Variants in FOXP2 observed in about 807,000 individuals in gnomAD.
FOXP2 encodes the protein forkhead box P2.
Under a neutral mutation model 115.8 loss-of-function variants are expected in FOXP2, and 12 were observed. That is an observed-to-expected ratio of 0.10 (90% CI 0.07 to 0.17). The LOEUF is 0.17. Among genes scored for constraint, FOXP2 ranks in the 10% least tolerant of loss-of-function variants. The pLI is 1.00. For synonymous variants in FOXP2, 328 were observed against 297.7 expected (o/e 1.10, Z -1.05); for missense variants, 629 against 843.5 (o/e 0.75, Z 3.15).
At chr7:114,687,319 C>T (rs1294391128) in intron 16 of FOXP2, among the ~76,000 whole-genome samples, 1 of 152,132 alleles carries the variant, frequency 6.6e-6, no homozygotes, top group Non-Finnish European at 1.5e-5. Context: ...TTATTTGCAT[C>T]CCCAGCATAT....
intron 2 of FOXP2, among the ~76,000 whole-genome samples, chr7:114,450,880 A>G (rs1167817644): frequency 6.6e-6 from 1 of 152,094 alleles, no homozygotes; most frequent in African/African-American, 2.4e-5. Context: ...TAAAATGTAT[A>G]TTTATGACTT....
At chr7:114,593,457 T>G (rs989984232) in intron 3 of FOXP2, among the ~76,000 whole-genome samples, 15 of 152,042 alleles carry the variant, frequency 9.9e-5, no homozygotes, top group Non-Finnish European at 2.2e-4. Context: ...ATTTCCCTAC[T>G]ACCTTGTCAA....
At chr7:114,326,225 T>G (rs771670581) in intron 2 of FOXP2, among the ~76,000 whole-genome samples, 1 of 152,230 alleles carries the variant, frequency 6.6e-6, no homozygotes, top group Middle Eastern at 3.4e-3. Context: ...AAGGATTAGA[T>G]AGCAAAGAGT....
chr7:114,189,509 T>C (rs1793699731), intron 1 of FOXP2, among the ~76,000 whole-genome samples: 1 of 152,132 alleles, frequency 6.6e-6, no homozygotes, highest in South Asian at 2.1e-4. Context: ...GAGTGTTTAG[T>C]AGAGTTGGAG....
intron 2 of FOXP2, among the ~76,000 whole-genome samples, chr7:114,435,260 C>G (rs1431824565): frequency 6.6e-6 from 1 of 152,024 alleles, no homozygotes; most frequent in Non-Finnish European, 1.5e-5. Context: ...GGGACAGACT[C>G]AGTCTAAATT....
intron 16 of FOXP2, among the ~76,000 whole-genome samples, chr7:114,675,406 C>T (rs191796601): frequency 6.6e-6 from 1 of 152,048 alleles, no homozygotes; most frequent in Admixed American, 6.5e-5. Flanking sequence ...TCAAAAGTAA[C>T]AAACGAAAAC....
chr7:114,252,759 A>AT (rs1259906277), intron 1 of FOXP2, among the ~76,000 whole-genome samples: 2 of 151,186 alleles, frequency 1.3e-5, no homozygotes, highest in African/African-American at 4.9e-5. Flanking sequence ...GCTTTCATTG[A>AT]TTTTTTGAAG....
At chr7:114,498,726 G>C (rs1797432737) in intron 2 of FOXP2, among the ~76,000 whole-genome samples, 1 of 152,098 alleles carries the variant, frequency 6.6e-6, no homozygotes, top group Non-Finnish European at 1.5e-5. Flanking sequence ...ATTTTTAACT[G>C]GTTAGAAATT....
intron 1 of FOXP2, among the ~76,000 whole-genome samples, chr7:114,257,945 G>C (rs1303297294): frequency 2.0e-5 from 3 of 152,172 alleles, no homozygotes; most frequent in African/African-American, 7.2e-5. Context: ...AATGAAGCCA[G>C]ATAGAGAAGG....
At chr7:114,322,286 G>A (rs1376300604) in intron 2 of FOXP2, among the ~76,000 whole-genome samples, 1 of 151,330 alleles carries the variant, frequency 6.6e-6, no homozygotes, top group Non-Finnish European at 1.5e-5. Context: ...GCCTCCCCAA[G>A]TGCTGGGATT....
At chr7:114,524,139 T>G (rs1230713413) in intron 2 of FOXP2, among the ~76,000 whole-genome samples, 1 of 152,206 alleles carries the variant, frequency 6.6e-6, no homozygotes, top group Non-Finnish European at 1.5e-5. Flanking sequence ...TTGTATTTGG[T>G]ATGGCAGAAG....
chr7:114,603,653 G>A (rs905016625), intron 3 of FOXP2, among the ~76,000 whole-genome samples: 11 of 152,158 alleles, frequency 7.2e-5, no homozygotes, highest in African/African-American at 2.7e-4. Context: ...TAAATAATTA[G>A]AATTTCAGTG....
chr7:114,321,817 A>G (rs1223218239), intron 2 of FOXP2, among the ~76,000 whole-genome samples: 1 of 152,186 alleles, frequency 6.6e-6, no homozygotes, highest in Non-Finnish European at 1.5e-5. Context: ...TTAAATTTCC[A>G]AAAACATTTT....
At chr7:114,403,089 G>T (rs1167926882) in intron 2 of FOXP2, among the ~76,000 whole-genome samples, 1 of 152,106 alleles carries the variant, frequency 6.6e-6, no homozygotes, top group Non-Finnish European at 1.5e-5. Context: ...TTAGATTATA[G>T]CTAAGTAATA....
intron 2 of FOXP2, among the ~76,000 whole-genome samples, chr7:114,368,291 T>C (rs910643319): frequency 1.3e-5 from 2 of 152,158 alleles, no homozygotes; most frequent in Admixed American, 1.3e-4. Flanking sequence ...CACTAACTGG[T>C]ATCACTATTT....
intron 1 of FOXP2, among the ~76,000 whole-genome samples, chr7:114,271,597 A>G (rs1476828093): frequency 8.0e-6 from 1 of 124,418 alleles, no homozygotes; most frequent in Non-Finnish European, 1.6e-5. Context: ...TTATTATAAT[A>G]TAATATTAAT....
intron 2 of FOXP2, among the ~76,000 whole-genome samples, chr7:114,525,118 A>G (rs1374372571): frequency 6.6e-6 from 1 of 152,158 alleles, no homozygotes; most frequent in African/African-American, 2.4e-5. Context: ...ACTATGCTAG[A>G]CCCATTAGTT....
chr7:114,105,410 A>G (rs2129141321), intron 1 of FOXP2, among the ~76,000 whole-genome samples: 1 of 152,186 alleles, frequency 6.6e-6, no homozygotes, highest in East Asian at 1.9e-4. Flanking sequence ...CACGTTTTCC[A>G]TAGAAAAAGA....
intron 1 of FOXP2, among the ~76,000 whole-genome samples, chr7:114,156,130 A>G (rs544496186): frequency 6.1e-4 from 93 of 151,612 alleles, no homozygotes; most frequent in Middle Eastern, 3.4e-3. Flanking sequence ...CCACTCACCC[A>G]ACTCCTGAGA....
Sources: allele counts gnomAD v4.1 joint callset (sites outside exome capture counted in the v4.1 genomes callset), GRCh38; gene constraint gnomAD v4.1.1; transcripts MANE v1.5; gene names NCBI Gene and HGNC (gene_info 2026-07-23, HGNC 2026-07-21).